Variants in INPP4A observed in about 807,000 individuals in gnomAD.
INPP4A encodes inositol polyphosphate-4-phosphatase, type I, 107kD.
Under a neutral mutation model 119.8 loss-of-function variants are expected in INPP4A, and 33 were observed. The ratio of observed to expected loss-of-function variants is 0.28; its 90% confidence interval spans 0.21 to 0.37. INPP4A has a LOEUF of 0.37. Ranked by LOEUF, INPP4A falls within the 10% of genes least tolerant of loss-of-function variation. The probability of loss-of-function intolerance (pLI) is 1.00; values close to 1 mark genes in which losing one functional copy is unlikely to be tolerated. For missense variants in INPP4A, 956 were observed against 1,289.9 expected (o/e 0.74, Z 3.97); for synonymous variants, 496 against 500.7 (o/e 0.99, Z 0.12).
chr2:98,508,666 G>A (rs1445234735), intron 1 of INPP4A, among the ~76,000 whole-genome samples: 8 of 152,276 alleles, frequency 5.3e-5, no homozygotes, highest in Middle Eastern at 6.8e-3. Context: ...GACAACAGAC[G>A]GGCAAACTTT....
At chr2:98,553,903 A>G (rs148072401) in intron 14 of INPP4A, among the ~76,000 whole-genome samples, 3 of 152,264 alleles carry the variant, frequency 2.0e-5, no homozygotes, top group Non-Finnish European at 4.4e-5. Flanking sequence ...GTAAGGCCTG[A>G]CCCCTGGACA....
chr2:98,475,901 A>G (rs961847541), intron 1 of INPP4A, among the ~76,000 whole-genome samples: 1 of 152,146 alleles, frequency 6.6e-6, no homozygotes, highest in African/African-American at 2.4e-5. Context: ...TTTATTTTAA[A>G]TTTTTTTCCA....
At chr2:98,517,919 G>A (rs973912211) in intron 1 of INPP4A, among the ~76,000 whole-genome samples, 1 of 152,212 alleles carries the variant, frequency 6.6e-6, no homozygotes, top group Non-Finnish European at 1.5e-5. Flanking sequence ...AGGTCCTCCA[G>A]CAATGTGTAT....
chr2:98,482,970 A>G (rs1326889616), intron 1 of INPP4A, among the ~76,000 whole-genome samples: 1 of 152,192 alleles, frequency 6.6e-6, no homozygotes, highest in African/African-American at 2.4e-5. Context: ...GGTGTGCTGA[A>G]TCTGTACGTA....
intron 1 of INPP4A, among the ~76,000 whole-genome samples, chr2:98,497,464 C>G (rs887876399): frequency 1.3e-5 from 2 of 152,176 alleles, no homozygotes; most frequent in Non-Finnish European, 2.9e-5. Context: ...ACTGTACACA[C>G]CTGGAAAAGC....
chr2:98,520,734 AG>A lies in INPP4A; in HGVS notation c.151+5del. The A allele has an allele frequency of 7.0e-7, 1 of 1,438,122 alleles. No homozygotes were observed. 89.1% of individuals were successfully genotyped at this position (1,438,122 alleles called of 1,614,324 possible). ...GCCCATTTTAGAATTTAGCTTAGGT[AG>A]GTATCTTTCATTATTTTTTTGTTTT... On this transcript the variant is annotated splice_donor_region_variant and intron_variant, in intron 4 of 24. Transcript: ENST00000409851.
At chr2:98,535,982 C>T (rs544551147) in intron 6 of INPP4A, 137 bp downstream of exon 6, 11 of 713,372 alleles carry the variant, frequency 1.5e-5, no homozygotes, top group African/African-American at 1.1e-4. Context: ...TTTGTCTTTG[C>T]GAATTGTTAA....
chr2:98,488,360 G>A (rs76623168), intron 1 of INPP4A, among the ~76,000 whole-genome samples: 2,353 of 152,276 alleles, frequency 0.015, 69 homozygotes, highest in African/African-American at 0.054. Context: ...CTGAGCAAAA[G>A]CAAAGCATCC....
chr2:98,461,187 T>A (rs1299414626), intron 1 of INPP4A, among the ~76,000 whole-genome samples: 1 of 152,176 alleles, frequency 6.6e-6, no homozygotes, highest in Non-Finnish European at 1.5e-5. Context: ...GGCTCATGGT[T>A]CTGCCACACC....
Position 98,552,899 on chromosome 2 carries a change from G to A in INPP4A, c.1277G>A (p.Arg426Gln). The stretch of plus-strand genomic sequence containing the variant: ...ACCCAAGTGAGTTACTACGCAGAGC[G>A]GCTGTCAAGGGCAGCCAAGGACAGG... ...LKTQVSYYAERLSRAAKDRSA... is the reference protein window; with the variant it reads ...LKTQVSYYAEQLSRAAKDRSA... The change falls in exon 14 of 25, where the codon CGG (arginine) becomes CAG (glutamine). Residue 426 changes from arginine to glutamine, a missense_variant. Arg to Gln is a conservative substitution (Grantham distance 43, BLOSUM62 1). Around this residue, in one of 2 missense-constraint regions of INPP4A, gnomAD observed 652 missense variants for 797.9 expected, o/e 0.82. Transcript: ENST00000409851. 3.1e-6 allele frequency: 5 copies of A among 1,613,762 alleles called. No individual in the cohort carries two copies. Among genetic ancestry groups the A allele is most frequent in the Non-Finnish European group, 4.2e-6 (5 of 1,179,816 alleles).
intron 13 of INPP4A, among the ~76,000 whole-genome samples, chr2:98,548,606 T>C (rs1449143744): frequency 6.6e-6 from 1 of 152,226 alleles, no homozygotes; most frequent in Non-Finnish European, 1.5e-5. Context: ...AATTTATTTC[T>C]CAAAATACCT....
At chr2:98,480,799 C>A (rs963640280) in intron 1 of INPP4A, among the ~76,000 whole-genome samples, 1 of 152,216 alleles carries the variant, frequency 6.6e-6, no homozygotes, top group Non-Finnish European at 1.5e-5. Flanking sequence ...CTTCCACTAG[C>A]CTGTCTTCTT....
At chr2:98,463,133 C>T (rs533741160) in intron 1 of INPP4A, among the ~76,000 whole-genome samples, 2 of 152,208 alleles carry the variant, frequency 1.3e-5, no homozygotes, top group Admixed American at 6.5e-5. Context: ...TGAGCCACCG[C>T]GCCCAGCCCA....
rs2105780654 is a variant in INPP4A at position 98,523,055 on chromosome 2, T to A, written c.151+2324T>A. 3.3e-5 allele frequency among the ~76,000 whole-genome samples: 5 copies of A among 152,334 alleles called. No homozygotes were observed. The South Asian group carries it at 1.0e-3, about 32-fold the overall frequency. On this transcript the variant is annotated intron_variant, in intron 4 of 24. Transcript: ENST00000409851. ...GGGACCACACTGAGCAGAGAAGTCA[T>A]GGGATCCAGGAAACAGGGTCATCAC...
At chr2:98,513,480 CACTT>C (rs554408595) in intron 1 of INPP4A, among the ~76,000 whole-genome samples, 7 of 152,232 alleles carry the variant, frequency 4.6e-5, no homozygotes, top group African/African-American at 7.2e-5. Context: ...CTCACTCACT[CACTT>C]ACTCACTCAT....
chr2:98,456,334 TTTTA>T (rs773713209), intron 1 of INPP4A, among the ~76,000 whole-genome samples: 8 of 152,150 alleles, frequency 5.3e-5, no homozygotes, highest in Non-Finnish European at 8.8e-5. Context: ...CTTTTACATT[TTTTA>T]TTTATTTATT....
chr2:98,490,300 C>T (rs1318326492), intron 1 of INPP4A, among the ~76,000 whole-genome samples: 3 of 152,066 alleles, frequency 2.0e-5, no homozygotes, highest in African/African-American at 4.8e-5. Flanking sequence ...GTGTCTCATC[C>T]GGTTTCCTTT....
At chr2:98,487,632 G>C (rs1216494126) in intron 1 of INPP4A, among the ~76,000 whole-genome samples, 1 of 152,162 alleles carries the variant, frequency 6.6e-6, no homozygotes, top group Non-Finnish European at 1.5e-5. Flanking sequence ...CAAATATAGA[G>C]ACAATTCTCT....
chr2:98,581,456 G>T, intron 24 of INPP4A: 2 of 961,160 alleles, frequency 2.1e-6, no homozygotes, highest in South Asian at 2.0e-5. Context: ...CTTATCTTTT[G>T]TTTCTCTTGT....
Sources: gnomAD v4.1 joint callset for allele counts (sites outside exome capture counted in the v4.1 genomes callset) on GRCh38, gnomAD v4.1.1 for gene constraint, gnomAD v4.1.1 regional missense constraint, MANE v1.5 for transcripts, NCBI Gene and HGNC (gene_info 2026-07-23, HGNC 2026-07-21) for gene names.